CDH13: variants seen among roughly 807,000 people sequenced by gnomAD.
CDH13 encodes cadherin 13.
In CDH13, 24 loss-of-function variants were observed where a neutral mutation model predicts 63.8. That is an observed-to-expected ratio of 0.38 (90% CI 0.27 to 0.53). The LOEUF (loss-of-function observed/expected upper bound fraction) is 0.53. CDH13 is among the 20% of genes least tolerant of loss of function. The probability of loss-of-function intolerance (pLI) is 0.85; values close to 1 mark genes in which losing one functional copy is unlikely to be tolerated. For synonymous variants in CDH13, 503 were observed against 355.3 expected (o/e 1.42, Z -4.67); for missense variants, 1,049 against 903.1 (o/e 1.16, Z -2.07).
chr16:83,269,010 A>T (rs1432072944), intron 5 of CDH13, among the ~76,000 whole-genome samples: 1 of 152,238 alleles, frequency 6.6e-6, no homozygotes, highest in East Asian at 1.9e-4. Context: ...CAACTTGCTC[A>T]GCCTTAGCTT....
At chr16:83,024,906 A>G (rs113575345) in intron 2 of CDH13, among the ~76,000 whole-genome samples, 4,309 of 152,304 alleles carry the variant, frequency 0.028, 94 homozygotes, top group Non-Finnish European at 0.043. Flanking sequence ...GGATTCAACA[A>G]TGGGCAAGCC....
At chr16:82,820,963 G>T (rs940943890) in intron 1 of CDH13, among the ~76,000 whole-genome samples, 6 of 152,156 alleles carry the variant, frequency 3.9e-5, no homozygotes, top group African/African-American at 1.4e-4. Flanking sequence ...CTACCAATGA[G>T]GGGTAGAGCT....
chr16:82,722,156 C>A (rs2032813947), intron 1 of CDH13, among the ~76,000 whole-genome samples: 1 of 152,112 alleles, frequency 6.6e-6, no homozygotes, highest in Admixed American at 6.5e-5. Context: ...GATGTATTTT[C>A]ATCAGAACCC....
chr16:82,961,042 T>G (rs921125425), intron 2 of CDH13, among the ~76,000 whole-genome samples: 1 of 152,336 alleles, frequency 6.6e-6, no homozygotes, highest in Non-Finnish European at 1.5e-5. Context: ...CCAAAGCAGA[T>G]GCTCCGTTTT....
chr16:83,464,694 G>A (rs1019228075), intron 6 of CDH13, among the ~76,000 whole-genome samples: 5 of 152,070 alleles, frequency 3.3e-5, no homozygotes, highest in East Asian at 1.9e-4. Context: ...AAGGCTGGAC[G>A]GAATGCCTGC....
At chr16:82,627,795 G>C (rs988267142) in intron 1 of CDH13, among the ~76,000 whole-genome samples, 3 of 152,232 alleles carry the variant, frequency 2.0e-5, no homozygotes, top group African/African-American at 7.2e-5. Context: ...CGAAAGGGCC[G>C]GAGCGTGTCC....
At chr16:82,712,367 G>T (rs2032015311) in intron 1 of CDH13, among the ~76,000 whole-genome samples, 1 of 152,074 alleles carries the variant, frequency 6.6e-6, no homozygotes, top group Non-Finnish European at 1.5e-5. Flanking sequence ...TCCCTTCTGG[G>T]ACTCACTTCA....
chr16:83,487,450 A>G (rs1393673510), intron 7 of CDH13, among the ~76,000 whole-genome samples: 1 of 152,044 alleles, frequency 6.6e-6, no homozygotes, highest in Non-Finnish European at 1.5e-5. Context: ...TCCCCTTTAG[A>G]TGGGACATGT....
rs557101995 is a variant in CDH13, at chr16:83,316,064, A to C, written c.637-28798A>C. 3.9e-5 allele frequency among the ~76,000 whole-genome samples: 6 copies of C among 152,252 alleles called. No homozygotes were observed. In the East Asian group the frequency reaches 1.2e-3, roughly 29 times the overall value. On this transcript the variant is annotated intron_variant, in intron 5 of 13. Transcript: ENST00000567109. ...TACAATCATGGTGGAAGGGGAAGGA[A>C]ACACGTCCTTCACATGGTGGCAGGA...
At chr16:83,328,769 T>G (rs1036469679) in intron 5 of CDH13, among the ~76,000 whole-genome samples, 9 of 152,134 alleles carry the variant, frequency 5.9e-5, no homozygotes. Context: ...TCAGGCATTG[T>G]ACCAACATTC....
chr16:83,505,331 C>G (rs948544058), intron 7 of CDH13, among the ~76,000 whole-genome samples: 2 of 152,138 alleles, frequency 1.3e-5, no homozygotes, highest in Non-Finnish European at 2.9e-5. Context: ...CTGGACAACA[C>G]TAGGACTCAG....
chr16:83,567,886 C>T (rs1408065523), intron 7 of CDH13, among the ~76,000 whole-genome samples: 1 of 152,180 alleles, frequency 6.6e-6, no homozygotes, highest in Non-Finnish European at 1.5e-5. Flanking sequence ...TGAGCCACCA[C>T]GCCCGGCCTA....
chr16:83,216,068 A>G (rs1452240548), intron 4 of CDH13, among the ~76,000 whole-genome samples: 1 of 151,302 alleles, frequency 6.6e-6, no homozygotes, highest in Non-Finnish European at 1.5e-5. Context: ...ACGATTTGCA[A>G]AACTTTCCAG....
intron 2 of CDH13, among the ~76,000 whole-genome samples, chr16:82,914,475 C>G (rs1363870752): frequency 6.6e-6 from 1 of 152,218 alleles, no homozygotes; most frequent in Non-Finnish European, 1.5e-5. Flanking sequence ...TTCACCTTGA[C>G]TGACTGCAAA....
intron 4 of CDH13, among the ~76,000 whole-genome samples, chr16:83,167,379 C>T (rs1314041292): frequency 6.6e-6 from 1 of 151,734 alleles, no homozygotes; most frequent in East Asian, 1.9e-4. Flanking sequence ...TACCTGTAAT[C>T]CCAGTTACTC....
intron 1 of CDH13, among the ~76,000 whole-genome samples, chr16:82,719,710 G>A (rs554660259): frequency 6.6e-6 from 1 of 152,006 alleles, no homozygotes; most frequent in Non-Finnish European, 1.5e-5. Context: ...TCTGGGTGTG[G>A]TGGTGGGTGT....
intron 9 of CDH13, among the ~76,000 whole-genome samples, chr16:83,675,693 G>A (rs910186654): frequency 2.6e-5 from 4 of 152,196 alleles, no homozygotes. Context: ...GACTTCAGGG[G>A]AGGCAGTGAC....
At chr16:83,365,248 T>A (rs556784612) in intron 6 of CDH13, among the ~76,000 whole-genome samples, 1 of 152,260 alleles carries the variant, frequency 6.6e-6, no homozygotes, top group South Asian at 2.1e-4. Flanking sequence ...GCCAATGTAT[T>A]GTTTAAGTCC....
At chr16:83,400,417 C>T (rs1020111069) in intron 6 of CDH13, among the ~76,000 whole-genome samples, 5 of 152,098 alleles carry the variant, frequency 3.3e-5, no homozygotes, top group African/African-American at 1.2e-4. Flanking sequence ...TGGCCCAACT[C>T]CAGGATGGGG....
Sources: gnomAD v4.1 joint callset for allele counts (sites outside exome capture counted in the v4.1 genomes callset) on GRCh38, gnomAD v4.1.1 for gene constraint, MANE v1.5 for transcripts, NCBI Gene and HGNC (gene_info 2026-07-23, HGNC 2026-07-21) for gene names.